Variants in KTN1 observed in about 807,000 individuals in gnomAD.
KTN1 encodes kinectin.
Under a neutral mutation model 222.5 loss-of-function variants are expected in KTN1, and 130 were observed. That is an observed-to-expected ratio of 0.58 (90% CI 0.51 to 0.68). The LOEUF is 0.68. Among genes scored for constraint, KTN1 ranks in the 30% least tolerant of loss-of-function variants. The pLI, the probability that KTN1 is intolerant of heterozygous loss-of-function variation, is 0.00. For synonymous variants in KTN1, 512 were observed against 496.3 expected (o/e 1.03, Z -0.42); for missense variants, 1,508 against 1,500.4 (o/e 1.01, Z -0.08).
At chr14:55,667,148 G>A (rs534648377) in intron 33 of KTN1, 93 bp from the exon 34 acceptor site, 56 of 783,272 alleles carry the variant, frequency 7.1e-5, no homozygotes, top group South Asian at 6.8e-4. Flanking sequence ...TTTTCTTCCC[G>A]TAGAATTATA....
At chr14:55,597,196 A>G (rs1213134562) in intron 1 of KTN1, among the ~76,000 whole-genome samples, 2 of 152,190 alleles carry the variant, frequency 1.3e-5, no homozygotes, top group African/African-American at 4.8e-5. Context: ...GAGAACATGT[A>G]TTTGAAAAGG....
At position 55,649,683 on chromosome 14, in the gene KTN1, T is replaced by C. The variant is rs1184459475; in HGVS notation, c.2368-93T>C. 4.0e-6 allele frequency: 3 copies of C among 747,994 alleles called. No individual in the cohort carries two copies. The East Asian group carries it at 8.3e-5, about 21-fold the overall frequency. 46.3% of individuals were successfully genotyped at this position (747,994 alleles called of 1,614,324 possible). On this transcript the variant is annotated intron_variant, in intron 21 of 43. Transcript: ENST00000395314. The stretch of plus-strand genomic sequence containing the variant: ...GGGCTTTTCCCATTTGGATTTTGAT[T>C]GTATTGGAAAATCTAAGGATAATGT...
In KTN1 at chr14:55,641,746, C is replaced by T; in HGVS notation, c.2158C>T (p.Leu720Phe). Residue 720 changes from leucine to phenylalanine, a missense_variant, in exon 18 of 44, where the codon CTT becomes TTT. Transcript: ENST00000395314. ...ATCAGAAGTTCAGAAGCTACAGACT[C>T]TTGTTTCTGAACAGGTAAGGCTTTT... Reference protein sequence around the residue: ...LKSEVQKLQTLVSEQPNKDVV... With the variant: ...LKSEVQKLQTFVSEQPNKDVV... 6.3e-7 allele frequency: 1 copy of T among 1,593,052 alleles called. No homozygotes were observed. Among genetic ancestry groups the T allele is most frequent in the Non-Finnish European group, 8.6e-7 (1 of 1,161,040 alleles).
intron 31 of KTN1, 22 bp from the exon 32 acceptor site, chr14:55,661,500 A>G: frequency 7.9e-7 from 1 of 1,273,244 alleles, no homozygotes; most frequent in East Asian, 2.3e-5. Flanking sequence ...ATCTTGCTAC[A>G]TGTATTCATG....
At chr14:55,640,488 G>T in intron 15 of KTN1, 46 bp downstream of exon 15, 1 of 1,336,222 alleles carries the variant, frequency 7.5e-7, no homozygotes, top group Non-Finnish European at 1.1e-6. Flanking sequence ...ATTTCAATTT[G>T]CGTATTCTTA....
At chr14:55,591,581 C>CTTTTTTTTTTTTTTTTTTTTTTTT (rs71131297) in intron 1 of KTN1, among the ~76,000 whole-genome samples, 1 of 87,680 alleles carries the variant, frequency 1.1e-5, no homozygotes, top group Non-Finnish European at 2.2e-5. Context: ...TTCTCTCTTT[C>CTTTTTTTTTTTTTTTTTTTTTTTT]TTTTTTTTTT....
chr14:55,618,462 C>T (rs2038697060), intron 4 of KTN1, among the ~76,000 whole-genome samples: 1 of 152,030 alleles, frequency 6.6e-6, no homozygotes, highest in Admixed American at 6.5e-5. Flanking sequence ...TTTAGGTTCA[C>T]AGCAAAATTC....
rs779678681 is a variant in KTN1, at chr14:55,633,282, G to T, written c.1269G>T (p.Lys423Asn). The T allele has an allele frequency of 1.3e-6, 2 of 1,598,992 alleles. No homozygotes were observed. Among genetic ancestry groups the T allele is most frequent in the South Asian group, 2.2e-5 (2 of 88,894 alleles). The change falls in exon 8 of 44, where the codon AAG (lysine) becomes AAT (asparagine). Residue 423 changes from lysine (K) to asparagine (N), a missense_variant. Transcript: ENST00000395314. ...TGGAGGCAGAGATAGCTCACTTGAA[G>T]CAGGAAAATGGTATACTGAGAGATG... is the stretch of plus-strand genomic sequence containing the variant. Reference protein sequence around the residue: ...EQMEAEIAHLKQENGILRDAV... With the variant: ...EQMEAEIAHLNQENGILRDAV...
intron 38 of KTN1, 27 bp downstream of exon 38, chr14:55,672,728 A>G (rs769514334): frequency 6.9e-7 from 1 of 1,449,480 alleles, no homozygotes; most frequent in East Asian, 2.3e-5. Flanking sequence ...TTTTACTTGT[A>G]ACCTATGGAT....
At chr14:55,647,575 G>A (rs545937410) in intron 19 of KTN1, among the ~76,000 whole-genome samples, 1 of 143,600 alleles carries the variant, frequency 7.0e-6, no homozygotes, top group Admixed American at 7.2e-5. Context: ...AGAGGTTGCA[G>A]TGAGCCGAAA....
rs1207617541 is a variant in KTN1, at chr14:55,634,623, A to G, written c.1426A>G (p.Lys476Glu). 1.9e-6 allele frequency: 3 copies of G among 1,613,700 alleles called. No individual in the cohort carries two copies. Among genetic ancestry groups the G allele is most frequent in the Non-Finnish European group, 8.5e-7 (1 of 1,179,832 alleles). ...TGKLQQEEVQKKNAEQAATQL... is the reference protein window; with the variant it reads ...TGKLQQEEVQEKNAEQAATQL... ...AAAGCTACAGCAAGAGGAAGTCCAA[A>G]AGAAGAATGCTGAGCAAGCAGCTAC... Residue 476 changes from lysine (K) to glutamate (E), a missense_variant, in exon 9 of 44, where the codon AAG becomes GAG. Transcript: ENST00000395314.
intron 8 of KTN1, among the ~76,000 whole-genome samples, chr14:55,634,055 A>T (rs1334056926): frequency 6.6e-6 from 1 of 151,842 alleles, no homozygotes; most frequent in Admixed American, 6.6e-5. Flanking sequence ...AATCGCTTGA[A>T]CCTGGGAGGT....
intron 32 of KTN1, chr14:55,662,953 C>T (rs756550887): frequency 3.1e-5 from 14 of 455,768 alleles, no homozygotes; most frequent in East Asian, 6.9e-5. Flanking sequence ...ACATTGAACC[C>T]GTGTGAAAAG....
intron 22 of KTN1, 81 bp downstream of exon 22, chr14:55,649,894 T>C: frequency 2.6e-6 from 2 of 769,526 alleles, no homozygotes; most frequent in Middle Eastern, 2.6e-4. Context: ...TCTAGTTTTA[T>C]TGTGCAGTTG....
At chr14:55,647,785 A>C (rs1039261948) in intron 19 of KTN1, among the ~76,000 whole-genome samples, 18 of 151,280 alleles carry the variant, frequency 1.2e-4, no homozygotes, top group African/African-American at 4.4e-4. Flanking sequence ...TCTACTAAAA[A>C]TACAAAAAAT....
At chr14:55,670,203 TTGAA>T (rs2141302816) in intron 34 of KTN1, among the ~76,000 whole-genome samples, 1 of 152,176 alleles carries the variant, frequency 6.6e-6, no homozygotes, top group African/African-American at 2.4e-5. Context: ...ATTTCCTAAT[TTGAA>T]TGAAATAATT....
chr14:55,580,427 G>A (rs1202905052), intron 1 of KTN1, 73 bp downstream of exon 1: 1 of 146,454 alleles, frequency 6.8e-6, no homozygotes, highest in Admixed American at 6.8e-5. Context: ...GCCGGCCGCG[G>A]GGTCCTGGGG....
intron 9 of KTN1, 21 bp downstream of exon 9, chr14:55,634,679 TTTG>T: frequency 6.3e-6 from 10 of 1,598,224 alleles, no homozygotes; most frequent in Non-Finnish European, 8.5e-6. Flanking sequence ...CTCACCTTTA[TTTG>T]TCATTTCATG....
intron 29 of KTN1, among the ~76,000 whole-genome samples, chr14:55,656,584 G>A (rs975697041): frequency 6.6e-6 from 1 of 151,994 alleles, no homozygotes; most frequent in Non-Finnish European, 1.5e-5. Flanking sequence ...CCTTGCCTTA[G>A]CCTCTAGAGT....
Sources: allele counts gnomAD v4.1 joint callset (sites outside exome capture counted in the v4.1 genomes callset), GRCh38; gene constraint gnomAD v4.1.1; transcripts MANE v1.5; gene names NCBI Gene and HGNC (gene_info 2026-07-23, HGNC 2026-07-21).